The following ROPN1L variants were observed in gnomAD, a reference collection of about 807,000 sequenced individuals.
ROPN1L encodes rhophilin associated tail protein 1 like.
A neutral mutation model predicts 22.7 loss-of-function variants in ROPN1L; 23 were observed. The observed-to-expected ratio is 1.01, with a 90% CI of 0.73 to 1.43. The LOEUF is 1.43. Ranked by LOEUF, ROPN1L falls within the 40% of genes most tolerant of loss-of-function variation. The pLI, the probability that ROPN1L is intolerant of heterozygous loss-of-function variation, is 0.00. For synonymous variants in ROPN1L, 116 were observed against 117.8 expected (o/e 0.98, Z 0.10); for missense variants, 271 against 291.5 (o/e 0.93, Z 0.51).
At chr5:10,475,491 C>A (rs939624861), downstream of ROPN1L, among the ~76,000 whole-genome samples, 2 of 152,172 alleles carry the variant, frequency 1.3e-5, no homozygotes, top group African/African-American at 4.8e-5. Flanking sequence ...CAGCAAGTAG[C>A]ACTATGTGCC....
At chr5:10,464,272 C>G (rs1462778668) in intron 4 of ROPN1L, among the ~76,000 whole-genome samples, 1 of 152,170 alleles carries the variant, frequency 6.6e-6, no homozygotes, top group African/African-American at 2.4e-5. Context: ...CCCAAGCCAT[C>G]CCTTCTGTCC....
At chr5:10,448,535 C>T in intron 2 of ROPN1L, 152 bp downstream of exon 2, 1 of 873,966 alleles carries the variant, frequency 1.1e-6, no homozygotes, top group African/African-American at 1.7e-5. Flanking sequence ...CACGCATCGT[C>T]AAGGTTGATT....
At chr5:10,457,808 G>T (rs761598725) in intron 3 of ROPN1L, among the ~76,000 whole-genome samples, 2 of 152,080 alleles carry the variant, frequency 1.3e-5, no homozygotes, top group Admixed American at 6.5e-5. Context: ...CAGCTCCCCC[G>T]TGAGGATGGT....
At chr5:10,453,670 G>A (rs974313983) in intron 3 of ROPN1L, among the ~76,000 whole-genome samples, 3 of 152,134 alleles carry the variant, frequency 2.0e-5, no homozygotes, top group Admixed American at 6.5e-5. Flanking sequence ...TGGCGGGGGC[G>A]TGGCTTGTGG....
At chr5:10,466,816 G>A (rs141034930), downstream of ROPN1L, among the ~76,000 whole-genome samples, 6 of 152,268 alleles carry the variant, frequency 3.9e-5, no homozygotes, top group East Asian at 3.9e-4. Flanking sequence ...CAGTGCTTAC[G>A]TAGCAGAAAC....
chr5:10,451,771 G>A (rs1487330235), intron 3 of ROPN1L, among the ~76,000 whole-genome samples: 6 of 152,200 alleles, frequency 3.9e-5, no homozygotes, highest in Admixed American at 1.3e-4. Flanking sequence ...TTGTGCCAAG[G>A]CCTGGATGTT....
At chr5:10,452,633 C>T (rs996716736) in intron 3 of ROPN1L, among the ~76,000 whole-genome samples, 3 of 152,184 alleles carry the variant, frequency 2.0e-5, no homozygotes, top group South Asian at 2.1e-4. Context: ...CCACTGCACC[C>T]GGCCCTGAAA....
At chr5:10,446,381 G>A (rs556391710) in intron 1 of ROPN1L, among the ~76,000 whole-genome samples, 4 of 152,288 alleles carry the variant, frequency 2.6e-5, no homozygotes, top group African/African-American at 7.2e-5. Context: ...TCTCCAGGCC[G>A]GGTGCGGTGG....
At chr5:10,468,135 C>A (rs1443518445), downstream of ROPN1L, among the ~76,000 whole-genome samples, 1 of 152,254 alleles carries the variant, frequency 6.6e-6, no homozygotes, top group East Asian at 1.9e-4. Flanking sequence ...CTCCAGCCCC[C>A]AGGGGTTGTC....
At position 10,449,960 on chromosome 5, in the gene ROPN1L, C is replaced by G; in HGVS notation, c.264C>G (p.His88Gln). The part of the protein sequence containing the change: ...LLKVLHKQCH[H>Q]KRYVELTDLE... ...CTGTGTTTTCCAAACAGTGTCACCA[C>G]AAGCGGTATGTGGAATTAACAGATC... Residue 88 changes from histidine (H) to glutamine (Q), a missense_variant, in exon 3 of 5, where the codon CAC (histidine) becomes CAG (glutamine). His to Gln is a conservative substitution (Grantham distance 24). Transcript: ENST00000274134. The G allele has an allele frequency of 6.2e-7, 1 of 1,608,900 alleles. No homozygotes were observed. The highest frequency in any genetic ancestry group is 8.5e-7 in the Non-Finnish European group (1 of 1,178,308).
intron 4 of ROPN1L, among the ~76,000 whole-genome samples, chr5:10,464,175 C>A (rs374150467): frequency 2.6e-5 from 4 of 152,324 alleles, no homozygotes; most frequent in African/African-American, 9.6e-5. Context: ...TGGGCTGAGC[C>A]TCTGGACTCC....
At chr5:10,465,712 C>T (rs375700965), downstream of ROPN1L, among the ~76,000 whole-genome samples, 18 of 151,132 alleles carry the variant, frequency 1.2e-4, no homozygotes, top group Admixed American at 3.3e-4. Flanking sequence ...ATTAGCCAGG[C>T]GTGGCGGTGG....
chr5:10,463,021 G>A (rs1287046394), intron 4 of ROPN1L, among the ~76,000 whole-genome samples: 1 of 152,212 alleles, frequency 6.6e-6, no homozygotes, highest in African/African-American at 2.4e-5. Context: ...CACGGATGCA[G>A]GATCATTTGC....
At chr5:10,461,513 G>GT (rs1252299644) in intron 4 of ROPN1L, 154 bp downstream of exon 4, 3 of 681,408 alleles carry the variant, frequency 4.4e-6, no homozygotes, top group Non-Finnish European at 7.4e-6. Flanking sequence ...ATGTGTGGAG[G>GT]TTTTTCCTCA....
At chr5:10,450,585 G>A (rs1011741343) in intron 3 of ROPN1L, among the ~76,000 whole-genome samples, 14 of 151,990 alleles carry the variant, frequency 9.2e-5, no homozygotes, top group South Asian at 2.1e-4. Flanking sequence ...CGCAACCTCC[G>A]CCTCCCAGGT....
At position 10,471,729 on chromosome 5, in the gene ROPN1L, C is replaced by T. The variant is rs559022836; in HGVS notation, n.886-81C>T. ...TGTGGCTTTAGTACAGGGGTAGCCA[C>T]CCCCCACATCCCCCCAGGGAGGTGA... On this transcript the variant is annotated intron_variant and non_coding_transcript_variant, in intron 4 of 4. Coordinates refer to the ROPN1L transcript ENST00000510520. 192 of 152,430 alleles carry T rather than the reference C, an allele frequency of 1.3e-3. 2 individuals are homozygous for T. Among genetic ancestry groups the T allele is most frequent in the Non-Finnish European group, 1.3e-3 (89 of 68,246 alleles). The allele number at this position is 152,430 out of a possible 1,614,324, so 9.4% of individuals were successfully genotyped here.
intron 1 of ROPN1L, among the ~76,000 whole-genome samples, chr5:10,447,530 G>A (rs1373438536): frequency 1.3e-5 from 2 of 152,188 alleles, no homozygotes; most frequent in Non-Finnish European, 2.9e-5. Context: ...AATATGCAGA[G>A]ACGCTTAAAG....
chr5:10,454,203 T>A (rs1741346521), intron 3 of ROPN1L, among the ~76,000 whole-genome samples: 1 of 152,134 alleles, frequency 6.6e-6, no homozygotes. Flanking sequence ...CATAGCTCAC[T>A]GCAGCCTCAA....
chr5:10,471,337 G>A (rs565070218), intron 4 of ROPN1L, among the ~76,000 whole-genome samples: 25 of 151,588 alleles, frequency 1.6e-4, no homozygotes, highest in Non-Finnish European at 2.4e-4. Flanking sequence ...TAGTAGACAC[G>A]GAGTTTCACC....
Sources: allele counts gnomAD v4.1 joint callset (sites outside exome capture counted in the v4.1 genomes callset), GRCh38; gene constraint gnomAD v4.1.1; transcripts MANE v1.5; gene names NCBI Gene and HGNC (gene_info 2026-07-23, HGNC 2026-07-21).